The following VPS4B variants were observed in gnomAD, a reference collection of about 807,000 sequenced individuals.
VPS4B encodes the protein vacuolar protein sorting 4 homolog B, also known as vacuolar protein sorting-associated protein 4B.
VPS4B carries 23 observed loss-of-function variants against 56.1 expected under a neutral mutation model. The ratio of observed to expected loss-of-function variants is 0.41; its 90% CI spans 0.30 to 0.58. VPS4B has a LOEUF of 0.58. Ranked by LOEUF, VPS4B falls within the 20% of genes least tolerant of loss-of-function variation. VPS4B has a pLI of 0.29. For synonymous variants in VPS4B, 177 were observed against 186.0 expected (o/e 0.95, Z 0.39); for missense variants, 372 against 531.9 (o/e 0.70, Z 2.96).
chr18:63,417,232 C>T (rs78712031), intron 1 of VPS4B, among the ~76,000 whole-genome samples: 2,925 of 152,186 alleles, frequency 0.019, 90 homozygotes, highest in African/African-American at 0.067. Context: ...TCTTATTTGA[C>T]AAAACACTGT....
Position 63,407,487 on chromosome 18 carries a change from A to C in VPS4B, c.309T>G (p.Asp103Glu). Residue 103 changes from aspartate to glutamate, a missense_variant, in exon 4 of 11, where the codon GAT becomes GAG. Physicochemically the swap from Asp to Glu is conservative, Grantham distance 45. Coordinates refer to ENST00000238497, the MANE Select transcript of VPS4B (RefSeq NM_004869.4). ...CAGGATCATCAGATTCTCCTTCCCC[A>C]TCACTGTCATTCCTAATAAAAAGAA... Reference protein sequence around the residue: ...SPADEKGNDSDGEGESDDPEK... With the variant: ...SPADEKGNDSEGEGESDDPEK... The C allele has an allele frequency of 6.2e-7, 1 of 1,608,836 alleles. No homozygotes were observed. The highest frequency in any genetic ancestry group is 2.2e-5 in the East Asian group (1 of 44,712).
chr18:63,394,208 T>C (rs1054724067), intron 9 of VPS4B, among the ~76,000 whole-genome samples: 5 of 152,168 alleles, frequency 3.3e-5, no homozygotes, highest in African/African-American at 9.7e-5. Flanking sequence ...AAAACAGATA[T>C]ATTAAAAAAT....
chr18:63,398,209 A>AT (rs1915718284), intron 8 of VPS4B, among the ~76,000 whole-genome samples: 3 of 98,792 alleles, frequency 3.0e-5, no homozygotes, highest in South Asian at 5.3e-4. Flanking sequence ...ACACACATAT[A>AT]TATATATATA....
At chr18:63,419,498 C>T (rs11873526) in intron 1 of VPS4B, among the ~76,000 whole-genome samples, 3,243 of 152,290 alleles carry the variant, frequency 0.021, 103 homozygotes, top group African/African-American at 0.074. Flanking sequence ...CTTTCCACTT[C>T]ATTTGAATGG....
At chr18:63,397,696 T>C (rs906135795) in intron 8 of VPS4B, among the ~76,000 whole-genome samples, 2 of 152,202 alleles carry the variant, frequency 1.3e-5, no homozygotes, top group Non-Finnish European at 2.9e-5. Context: ...CTTTAATGAA[T>C]ACATCCAGAA....
Position 63,413,167 on chromosome 18 carries a change from T to C in VPS4B, c.28-1589A>G, listed in dbSNP as rs527911630. Among the ~76,000 whole-genome samples the C allele has an allele frequency of 1.4e-3, 214 of 151,344 alleles. 2 individuals are homozygous for C. Among genetic ancestry groups the C allele is most frequent in the African/African-American group, 4.9e-3 (204 of 41,242 alleles). ...AAAACTGGGAAAATATGAGTAAGAGTGGTGGAATGTATCAATATCAATATC... is the reference window on the plus strand; with the variant it reads ...AAAACTGGGAAAATATGAGTAAGAGCGGTGGAATGTATCAATATCAATATC... On this transcript the variant is annotated intron_variant, in intron 1 of 10. Transcript: ENST00000238497.
chr18:63,400,734 G>A (rs1321570221), intron 5 of VPS4B, 31 bp from the exon 6 acceptor site: 1 of 1,578,922 alleles, frequency 6.3e-7, no homozygotes, highest in Non-Finnish European at 8.6e-7. Context: ...AATGTCATGA[G>A]AATTTTAACA....
chr18:63,393,261 C>A (rs2144409757), intron 10 of VPS4B, 148 bp downstream of exon 10: 3 of 756,614 alleles, frequency 4.0e-6, no homozygotes, highest in South Asian at 4.4e-5. Context: ...ATTTTAAGTT[C>A]AATTAACTTC....
chr18:63,393,639 AG>A (rs1346497696), intron 9 of VPS4B, 90 bp from the exon 10 acceptor site: 2 of 1,241,094 alleles, frequency 1.6e-6, no homozygotes, highest in African/African-American at 3.1e-5. Context: ...AATGTATAAT[AG>A]TTTTGTATGT....
intron 7 of VPS4B, 50 bp downstream of exon 7, chr18:63,399,998 G>A (rs775979829): frequency 9.0e-6 from 14 of 1,556,114 alleles, no homozygotes; most frequent in Admixed American, 8.0e-5. Context: ...CAGCCTGGGC[G>A]ACAGAGTGAG....
chr18:63,401,241 G>A (rs1046611500), intron 5 of VPS4B, among the ~76,000 whole-genome samples: 2 of 152,036 alleles, frequency 1.3e-5, no homozygotes, highest in Non-Finnish European at 1.5e-5. Context: ...AGTGTTATAG[G>A]TAGCAGACTT....
chr18:63,404,354 GGA>G (rs1174006655), intron 4 of VPS4B, among the ~76,000 whole-genome samples: 1 of 152,112 alleles, frequency 6.6e-6, no homozygotes, highest in Non-Finnish European at 1.5e-5. Context: ...AGAAGGAAAA[GGA>G]GAGAGGAAAG....
intron 9 of VPS4B, among the ~76,000 whole-genome samples, chr18:63,395,557 T>C (rs1040015166): frequency 1.3e-5 from 2 of 152,222 alleles, no homozygotes; most frequent in Non-Finnish European, 2.9e-5. Flanking sequence ...TAATTCAAGC[T>C]TGTTAACTTA....
intron 4 of VPS4B, among the ~76,000 whole-genome samples, chr18:63,406,093 T>C (rs180812940): frequency 3.3e-5 from 5 of 152,280 alleles, no homozygotes; most frequent in East Asian, 1.9e-4. Flanking sequence ...CCAAATCCAA[T>C]AGAGCAGACA....
chr18:63,415,042 G>A (rs2144437077), intron 1 of VPS4B, among the ~76,000 whole-genome samples: 2 of 152,298 alleles, frequency 1.3e-5, no homozygotes, highest in African/African-American at 4.8e-5. Flanking sequence ...ATAGCCACAT[G>A]CAGCCACTGT....
intron 6 of VPS4B, 86 bp downstream of exon 6, chr18:63,400,461 C>A: frequency 7.3e-7 from 1 of 1,374,880 alleles, no homozygotes; most frequent in South Asian, 1.4e-5. Flanking sequence ...CTCTGAATAT[C>A]TATAAGTGAT....
chr18:63,416,257 G>T, intron 1 of VPS4B: 1 of 213,260 alleles, frequency 4.7e-6, no homozygotes, highest in South Asian at 9.4e-5. Context: ...CCCTTATACA[G>T]GAGCCCTGTT....
At chr18:63,392,824 C>A (rs987822215) in intron 10 of VPS4B, among the ~76,000 whole-genome samples, 1 of 151,440 alleles carries the variant, frequency 6.6e-6, no homozygotes, top group African/African-American at 2.4e-5. Flanking sequence ...AATCTCGGCT[C>A]ACTGCAACCT....
chr18:63,417,983 G>A (rs1164683362), intron 1 of VPS4B, among the ~76,000 whole-genome samples: 4 of 152,282 alleles, frequency 2.6e-5, no homozygotes, highest in Non-Finnish European at 5.9e-5. Context: ...CCTGTCTGTT[G>A]AGACCAATTC....
Sources: allele counts gnomAD v4.1 joint callset (sites outside exome capture counted in the v4.1 genomes callset), GRCh38; gene constraint gnomAD v4.1.1; transcripts MANE v1.5; gene names NCBI Gene and HGNC (gene_info 2026-07-23, HGNC 2026-07-21).